The following SOX5 variants were observed in gnomAD, a reference collection of about 807,000 sequenced individuals.
SOX5 encodes transcription factor SOX-5.
In SOX5, 9 loss-of-function variants were observed where a neutral mutation model predicts 92.0. The observed-to-expected ratio is 0.10, with a 90% CI of 0.06 to 0.17. The LOEUF (loss-of-function observed/expected upper bound fraction) is 0.17. SOX5 is among the 10% of genes least tolerant of loss of function. SOX5 has a pLI of 1.00. For synonymous variants in SOX5, 344 were observed against 336.3 expected, an observed-to-expected ratio of 1.02 and a Z score of -0.25; for missense variants, 642 against 944.5, an observed-to-expected ratio of 0.68 and a Z score of 4.20.
intron 9 of SOX5, among the ~76,000 whole-genome samples, chr12:23,590,634 G>C (rs550411934): frequency 5.9e-5 from 9 of 151,954 alleles, no homozygotes; most frequent in Admixed American, 1.3e-4. Flanking sequence ...TTACTTGTTT[G>C]TTTTCCCCAT....
chr12:24,067,484 A>G (rs1940946506), intron 4 of SOX5, among the ~76,000 whole-genome samples: 1 of 152,172 alleles, frequency 6.6e-6, no homozygotes, highest in East Asian at 1.9e-4. Flanking sequence ...GCAGTCCTAG[A>G]AAGAGTATTC....
At chr12:23,575,929 T>C in intron 9 of SOX5, 91 bp from the exon 10 acceptor site, 1 of 910,172 alleles carries the variant, frequency 1.1e-6, no homozygotes, top group Non-Finnish European at 1.7e-6. Context: ...TCATTTCCCA[T>C]CAAATTACTC....
chr12:23,801,707 T>C (rs1448299103), intron 3 of SOX5, among the ~76,000 whole-genome samples: 1 of 152,214 alleles, frequency 6.6e-6, no homozygotes, highest in Non-Finnish European at 1.5e-5. Flanking sequence ...TTCAGTTAAG[T>C]ACTATTACAT....
intron 2 of SOX5, among the ~76,000 whole-genome samples, chr12:24,341,371 G>T (rs182167750): frequency 1.1e-4 from 16 of 152,248 alleles, no homozygotes; most frequent in Non-Finnish European, 2.2e-4. Context: ...CCAGCTACTT[G>T]GCAGGCTGAG....
intron 3 of SOX5, among the ~76,000 whole-genome samples, chr12:24,261,599 G>T (rs1010407112): frequency 2.0e-5 from 3 of 152,142 alleles, no homozygotes; most frequent in Non-Finnish European, 2.9e-5. Flanking sequence ...AAAATCAATG[G>T]CACCTCACTA....
chr12:23,564,529 T>C (rs1402987293), intron 10 of SOX5, among the ~76,000 whole-genome samples: 2 of 152,150 alleles, frequency 1.3e-5, no homozygotes, highest in Non-Finnish European at 2.9e-5. Flanking sequence ...CAGGCACTAA[T>C]CACACATAAA....
intron 9 of SOX5, among the ~76,000 whole-genome samples, chr12:23,601,573 C>T (rs1290706872): frequency 2.0e-5 from 3 of 151,704 alleles, no homozygotes; most frequent in Non-Finnish European, 4.4e-5. Context: ...CAGAAAATAC[C>T]CCCAAGACAT....
chr12:23,812,775 CG>C (rs903954226), intron 3 of SOX5, among the ~76,000 whole-genome samples: 1 of 152,048 alleles, frequency 6.6e-6, no homozygotes, highest in Non-Finnish European at 1.5e-5. Flanking sequence ...CCTAAAAAGA[CG>C]AATACTGATG....
chr12:23,543,762 A>G (rs1385587892), intron 12 of SOX5, among the ~76,000 whole-genome samples: 2 of 152,214 alleles, frequency 1.3e-5, no homozygotes, highest in East Asian at 3.9e-4. Context: ...AGAAGCACAA[A>G]TCAATTTGGC....
intron 4 of SOX5, among the ~76,000 whole-genome samples, chr12:24,127,579 T>C (rs1021362181): frequency 5.3e-5 from 8 of 152,100 alleles, no homozygotes; most frequent in African/African-American, 1.9e-4. Context: ...CGCCACACTT[T>C]TGTGATCACT....
chr12:24,402,478 T>C (rs894291869), intron 1 of SOX5, among the ~76,000 whole-genome samples: 6 of 152,202 alleles, frequency 3.9e-5, no homozygotes, highest in African/African-American at 1.4e-4. Context: ...TTTTGTATCT[T>C]TTTCTTCTTC....
At chr12:23,555,640 C>T (rs1214395038) in intron 11 of SOX5, among the ~76,000 whole-genome samples, 1 of 152,128 alleles carries the variant, frequency 6.6e-6, no homozygotes, top group African/African-American at 2.4e-5. Context: ...CTTCCACTGG[C>T]CATCTGTGAA....
intron 2 of SOX5, among the ~76,000 whole-genome samples, chr12:24,296,962 AAC>A: frequency 7.1e-6 from 1 of 140,170 alleles, no homozygotes; most frequent in Admixed American, 7.1e-5. Flanking sequence ...CACACACACA[AAC>A]ACAGAGGGTC....
chr12:24,476,901 A>C (rs1945442181), intron 1 of SOX5, among the ~76,000 whole-genome samples: 1 of 149,180 alleles, frequency 6.7e-6, no homozygotes, highest in Non-Finnish European at 1.5e-5. Context: ...CGTGGTTCAC[A>C]CCTGTAATCG....
Position 24,494,816 on chromosome 12 carries a change from G to GA in SOX5, c.-251+67512dup, listed in dbSNP as rs112391410. ...CTCTTTTCCTCACTATCAATGTAAT[G>GA]AAAAAAAAAATACCCCCAAAAAACA... On this transcript the variant is annotated intron_variant, in intron 1 of 4. Transcript: ENST00000446891. 8.5e-3 allele frequency among the ~76,000 whole-genome samples: 1,261 copies of GA among 147,844 alleles called. 15 individuals are homozygous for GA. Among genetic ancestry groups the GA allele is most frequent in the African/African-American group, 0.029 (1,171 of 40,392 alleles).
intron 4 of SOX5, among the ~76,000 whole-genome samples, chr12:24,209,891 G>T (rs1958409868): frequency 6.7e-6 from 1 of 149,106 alleles, no homozygotes; most frequent in East Asian, 2.0e-4. Flanking sequence ...AGTGGCGGGC[G>T]CCTGTAGTCC....
At chr12:23,679,494 A>C (rs1383569221) in intron 6 of SOX5, among the ~76,000 whole-genome samples, 1 of 152,186 alleles carries the variant, frequency 6.6e-6, no homozygotes, top group Non-Finnish European at 1.5e-5. Flanking sequence ...GAATAAAACA[A>C]TAAAAGCCTT....
intron 1 of SOX5, among the ~76,000 whole-genome samples, chr12:24,488,045 G>C (rs978216739): frequency 7.2e-5 from 11 of 152,060 alleles, no homozygotes; most frequent in African/African-American, 1.9e-4. Context: ...TATTTCCCTG[G>C]AGCAAAATTA....
chr12:23,651,032 G>A (rs1050880480), intron 7 of SOX5, among the ~76,000 whole-genome samples: 2 of 151,960 alleles, frequency 1.3e-5, no homozygotes, highest in Non-Finnish European at 2.9e-5. Context: ...AAATATGTGA[G>A]AATTTTTTTT....
Sources: gnomAD v4.1 joint callset for allele counts (sites outside exome capture counted in the v4.1 genomes callset) on GRCh38, gnomAD v4.1.1 for gene constraint, MANE v1.5 for transcripts, NCBI Gene and HGNC (gene_info 2026-07-23, HGNC 2026-07-21) for gene names.